SNX13: variants seen among roughly 807,000 people sequenced by gnomAD.
The protein encoded by SNX13 is sorting nexin-13.
A neutral mutation model predicts 133.6 loss-of-function variants in SNX13; 45 were observed. The observed-to-expected ratio is 0.34, with a 90% CI of 0.27 to 0.43. SNX13 has a LOEUF of 0.43. SNX13 is among the 20% of genes least tolerant of loss of function. The pLI, the probability that SNX13 is intolerant of heterozygous loss-of-function variation, is 1.00. For missense variants in SNX13, 1,032 were observed against 1,145.1 expected, an observed-to-expected ratio of 0.90 and a Z score of 1.43; for synonymous variants, 414 against 373.9, an observed-to-expected ratio of 1.11 and a Z score of -1.24.
chr7:17,794,429 T>C, intron 25 of SNX13, 137 bp from the exon 26 acceptor site: 1 of 1,067,826 alleles, frequency 9.4e-7, no homozygotes, highest in Non-Finnish European at 1.3e-6. Flanking sequence ...TTCAGCTATG[T>C]ACTATAGCTG....
intron 13 of SNX13, among the ~76,000 whole-genome samples, chr7:17,837,145 A>T (rs61562016): frequency 0.021 from 3,238 of 151,886 alleles, 97 homozygotes; most frequent in African/African-American, 0.068. Context: ...TAAAAAAAAA[A>T]TTTTTTAAGA....
chr7:17,865,129 C>T (rs1793226556), intron 9 of SNX13, among the ~76,000 whole-genome samples: 1 of 152,082 alleles, frequency 6.6e-6, no homozygotes, highest in African/African-American at 2.4e-5. Flanking sequence ...GAAAGAAAAG[C>T]ATGTTAATGA....
chr7:17,803,724 C>CAGAA, intron 20 of SNX13, 144 bp from the exon 21 acceptor site: 1 of 747,100 alleles, frequency 1.3e-6, no homozygotes, highest in Non-Finnish European at 2.0e-6. Context: ...TTTAAAAGTA[C>CAGAA]AGAAATGTTG....
chr7:17,937,206 C>A (rs1318618585), intron 1 of SNX13, among the ~76,000 whole-genome samples: 16 of 151,900 alleles, frequency 1.1e-4, no homozygotes, highest in Admixed American at 9.2e-4. Context: ...GCTATACTTT[C>A]AATTTACATT....
Position 17,791,714 on chromosome 7 carries a change from A to G in SNX13, c.*2331T>C, listed in dbSNP as rs1291555551. 6.6e-6 allele frequency: 1 copy of G among 152,110 alleles called. No homozygotes were observed. Among genetic ancestry groups the G allele is most frequent in the Non-Finnish European group, 1.5e-5 (1 of 67,962 alleles). 9.4% of individuals were successfully genotyped at this position (152,110 alleles called of 1,614,324 possible). A position where few individuals can be genotyped will look rare whatever the true frequency, so the allele number is the denominator to read the frequency against. On this transcript the variant is annotated 3_prime_UTR_variant, in exon 26 of 26. Transcript: ENST00000428135. The stretch of plus-strand genomic sequence containing the variant: ...TTCATATATGCAATAAATGCATTAA[A>G]TGTAACTTTATTAAACATAGTACAC...
chr7:17,799,965 G>A (rs922235539), intron 22 of SNX13, among the ~76,000 whole-genome samples: 1 of 151,698 alleles, frequency 6.6e-6, no homozygotes, highest in Non-Finnish European at 1.5e-5. Flanking sequence ...GAAAGCATGA[G>A]TTATACATTT....
chr7:17,795,114 T>C (rs905989811), intron 25 of SNX13: 1 of 151,638 alleles, frequency 6.6e-6, no homozygotes, highest in Non-Finnish European at 1.5e-5. Context: ...GGTTGAATTT[T>C]ATTTAAATTC....
rs1783778527 is a variant in SNX13 at position 17,793,875 on chromosome 7, G to A, written c.*170C>T. 2 of 667,618 alleles carry A rather than the reference G, an allele frequency of 3.0e-6. No homozygotes were observed. The highest frequency in any genetic ancestry group is 4.7e-6 in the Non-Finnish European group (2 of 428,092). 41.4% of individuals were successfully genotyped at this position (667,618 alleles called of 1,614,324 possible). ...CACAGAAATCTCTCTTGGTAGTGGT[G>A]GATTATAGATGAGAATGAGAAGAAC... On this transcript the variant is annotated 3_prime_UTR_variant, in exon 26 of 26. Transcript: ENST00000428135.
intron 15 of SNX13, chr7:17,830,708 C>G: frequency 1.0e-6 from 1 of 978,916 alleles, no homozygotes; most frequent in Non-Finnish European, 1.2e-6. Flanking sequence ...AATCTTTTCC[C>G]TTAGAGTTCT....
chr7:17,916,351 A>G (rs952831457), intron 1 of SNX13, among the ~76,000 whole-genome samples: 8 of 152,206 alleles, frequency 5.3e-5, no homozygotes, highest in African/African-American at 1.4e-4. Flanking sequence ...AAAAACATAC[A>G]AAGGATCAAC....
Position 17,821,577 on chromosome 7 carries a change from C to G in SNX13, c.1777G>C (p.Glu593Gln). The change falls in exon 18 of 26, where the codon GAG becomes CAG. Residue 593 changes from glutamate (E) to glutamine (Q), a missense_variant. Glu to Gln is a conservative substitution (Grantham distance 29). Transcript: ENST00000428135. Reference sequence around the variant, plus strand: ...CGACGATAGGTTTTCCACATCTCCTCACTGTTTAGGTTGCGCCGGTGTACA... The same window carrying G: ...CGACGATAGGTTTTCCACATCTCCTGACTGTTTAGGTTGCGCCGGTGTACA... ...ITVHRRNLNSEEMWKTYRRYS... is the reference protein window; with the variant it reads ...ITVHRRNLNSQEMWKTYRRYS... 1 of 1,613,678 alleles carries G rather than the reference C, an allele frequency of 6.2e-7. No homozygotes were observed. Among genetic ancestry groups the G allele is most frequent in the South Asian group, 1.1e-5 (1 of 91,054 alleles).
intron 15 of SNX13, chr7:17,832,567 G>A: frequency 1.2e-6 from 1 of 815,060 alleles, no homozygotes; most frequent in Non-Finnish European, 1.5e-6. Context: ...AGGATGGTTA[G>A]TTGACAGAGC....
intron 18 of SNX13, among the ~76,000 whole-genome samples, chr7:17,819,106 C>G (rs903052803): frequency 1.3e-5 from 2 of 152,098 alleles, no homozygotes; most frequent in African/African-American, 2.4e-5. Flanking sequence ...GAATGAGCAG[C>G]TCAGGCCATT....
chr7:17,869,591 A>T (rs1793814534), intron 8 of SNX13, among the ~76,000 whole-genome samples: 1 of 152,154 alleles, frequency 6.6e-6, no homozygotes, highest in Non-Finnish European at 1.5e-5. Flanking sequence ...TAAACTGTAC[A>T]AGTCTCTTTT....
intron 5 of SNX13, among the ~76,000 whole-genome samples, chr7:17,876,459 A>G (rs1007918039): frequency 4.0e-4 from 61 of 151,932 alleles, no homozygotes; most frequent in Non-Finnish European, 1.6e-4. Flanking sequence ...ATGCACCTAT[A>G]GTCCCAGCTG....
At chr7:17,927,431 C>A (rs1692090179) in intron 1 of SNX13, among the ~76,000 whole-genome samples, 1 of 151,894 alleles carries the variant, frequency 6.6e-6, no homozygotes, top group African/African-American at 2.4e-5. Flanking sequence ...TTTGCAGAGA[C>A]AAGGTCTCCC....
intron 5 of SNX13, chr7:17,880,403 C>T (rs550480166): frequency 2.3e-4 from 35 of 152,276 alleles, no homozygotes; most frequent in African/African-American, 6.5e-4. Flanking sequence ...GTTAATTAAA[C>T]GACCTGATTA....
At chr7:17,852,071 A>G (rs1292483121) in intron 9 of SNX13, among the ~76,000 whole-genome samples, 1 of 152,240 alleles carries the variant, frequency 6.6e-6, no homozygotes, top group Admixed American at 6.5e-5. Flanking sequence ...CAAGCCAAGT[A>G]AAGAAGTGTT....
In SNX13 at chr7:17,825,011, G is replaced by A. The variant is rs140242815; in HGVS notation, c.1705+1011C>T. On this transcript the variant is annotated intron_variant, in intron 17 of 25. Transcript: ENST00000428135. ...TCTCAATATCTTGACCTCGTGATCC[G>A]CCTGCCTCAGCCTCCCAAAAGTTCT... 2.0e-4 allele frequency among the ~76,000 whole-genome samples: 31 copies of A among 152,058 alleles called. No homozygotes were observed. The East Asian group carries it at 5.4e-3, about 27-fold the overall frequency.
Sources: gnomAD v4.1 joint callset for allele counts (sites outside exome capture counted in the v4.1 genomes callset) on GRCh38, gnomAD v4.1.1 for gene constraint, MANE v1.5 for transcripts, NCBI Gene and HGNC (gene_info 2026-07-23, HGNC 2026-07-21) for gene names.